Variants in USP34 observed in about 807,000 individuals in gnomAD.
USP34 encodes ubiquitin carboxyl-terminal hydrolase 34.
USP34 carries 70 observed loss-of-function variants against 460.3 expected under a neutral mutation model. The observed-to-expected ratio is 0.15, with a 90% CI of 0.13 to 0.19. The LOEUF (loss-of-function observed/expected upper bound fraction) is 0.19. Ranked by LOEUF, USP34 falls within the 10% of genes least tolerant of loss-of-function variation. The pLI is 1.00. For missense variants in USP34, 3,985 were observed against 4,236.2 expected (o/e 0.94, Z 1.65); for synonymous variants, 1,647 against 1,405.3 (o/e 1.17, Z -3.85).
intron 8 of USP34, among the ~76,000 whole-genome samples, chr2:61,372,895 A>G (rs557232014): frequency 6.6e-6 from 1 of 152,304 alleles, no homozygotes; most frequent in Non-Finnish European, 1.5e-5. Context: ...AAACACATTC[A>G]TCTACACAAC....
At chr2:61,341,495 T>A (rs62149705) in intron 16 of USP34, among the ~76,000 whole-genome samples, 31 of 152,298 alleles carry the variant, frequency 2.0e-4, no homozygotes, top group Non-Finnish European at 4.1e-4. Flanking sequence ...AATGTCTTCA[T>A]GCTGTCCTCA....
At chr2:61,452,614 C>T (rs1001050792) in intron 1 of USP34, among the ~76,000 whole-genome samples, 1 of 151,750 alleles carries the variant, frequency 6.6e-6, no homozygotes, top group African/African-American at 2.4e-5. Context: ...CGTCAGCCAC[C>T]GTGCTGGCCT....
At chr2:61,227,362 T>C in intron 61 of USP34, 144 bp from the exon 62 acceptor site, 1 of 833,700 alleles carries the variant, frequency 1.2e-6, no homozygotes, top group Non-Finnish European at 1.8e-6. Flanking sequence ...AAACCTAATG[T>C]AAAACACTCT....
chr2:61,279,614 T>C (rs1056073563), intron 39 of USP34, among the ~76,000 whole-genome samples: 11 of 152,272 alleles, frequency 7.2e-5, no homozygotes, highest in African/African-American at 2.6e-4. Context: ...TACAGGCACC[T>C]GTGACTATGC....
intron 10 of USP34, among the ~76,000 whole-genome samples, chr2:61,355,593 G>A (rs578134042): frequency 7.9e-5 from 12 of 151,558 alleles, no homozygotes; most frequent in African/African-American, 2.2e-4. Flanking sequence ...AAAGGAAATC[G>A]AACTGTTTCA....
intron 53 of USP34, among the ~76,000 whole-genome samples, chr2:61,237,597 T>A (rs1688106906): frequency 1.5e-5 from 2 of 130,434 alleles, no homozygotes. Context: ...AGACAGGGTC[T>A]CACTCTGTTA....
chr2:61,197,786 G>T (rs973733520), intron 75 of USP34, among the ~76,000 whole-genome samples: 1 of 152,006 alleles, frequency 6.6e-6, no homozygotes, highest in Admixed American at 6.6e-5. Flanking sequence ...GGGGAACAGA[G>T]TCTCACTCTG....
At chr2:61,368,147 C>T (rs978962522) in intron 10 of USP34, among the ~76,000 whole-genome samples, 5 of 152,034 alleles carry the variant, frequency 3.3e-5, no homozygotes, top group East Asian at 3.9e-4. Context: ...AGAATGGGCA[C>T]GTCAGGCCGG....
chr2:61,362,931 A>C (rs1454886052), intron 10 of USP34, among the ~76,000 whole-genome samples: 3 of 152,210 alleles, frequency 2.0e-5, no homozygotes, highest in African/African-American at 7.2e-5. Flanking sequence ...AAAGAAAAAC[A>C]GACTTAGAGA....
At chr2:61,400,560 T>C (rs1209631208) in intron 3 of USP34, among the ~76,000 whole-genome samples, 3 of 152,104 alleles carry the variant, frequency 2.0e-5, no homozygotes, top group Admixed American at 1.3e-4. Flanking sequence ...TTCTAAAAAA[T>C]ACTAAATTGA....
At chr2:61,304,184 C>T (rs1406888506) in intron 27 of USP34, among the ~76,000 whole-genome samples, 1 of 152,162 alleles carries the variant, frequency 6.6e-6, no homozygotes, top group East Asian at 1.9e-4. Flanking sequence ...GCATGAGCTA[C>T]CACGCCTGGC....
intron 1 of USP34, among the ~76,000 whole-genome samples, chr2:61,435,629 AGG>A (rs1694792071): frequency 6.6e-6 from 1 of 152,198 alleles, no homozygotes; most frequent in African/African-American, 2.4e-5. Context: ...CAAGGAACAA[AGG>A]ATATATAATG....
intron 23 of USP34, among the ~76,000 whole-genome samples, chr2:61,316,039 TA>T (rs539035606): frequency 0.014 from 1,797 of 126,544 alleles, 18 homozygotes; most frequent in African/African-American, 0.034. Flanking sequence ...GTCTCTACTT[TA>T]AAAAAAAAAA....
At chr2:61,463,959 GAC>G (rs1410157278) in intron 1 of USP34, among the ~76,000 whole-genome samples, 1 of 152,126 alleles carries the variant, frequency 6.6e-6, no homozygotes, top group African/African-American at 2.4e-5. Context: ...TGAAAAGGAT[GAC>G]AGAGTACCTC....
At chr2:61,366,051 G>T (rs920106070) in intron 10 of USP34, among the ~76,000 whole-genome samples, 1 of 152,016 alleles carries the variant, frequency 6.6e-6, no homozygotes, top group South Asian at 2.1e-4. Flanking sequence ...TCAGCCTCCT[G>T]AGTAGCTGGG....
At chr2:61,199,747 C>T (rs1196734709) in intron 75 of USP34, among the ~76,000 whole-genome samples, 2 of 152,092 alleles carry the variant, frequency 1.3e-5, no homozygotes, top group Non-Finnish European at 2.9e-5. Context: ...GGCTATTTAC[C>T]CACTGCTTTG....
chr2:61,426,678 C>G (rs1454309890), intron 1 of USP34, among the ~76,000 whole-genome samples: 1 of 152,228 alleles, frequency 6.6e-6, no homozygotes, highest in Non-Finnish European at 1.5e-5. Flanking sequence ...GCTTTGCCAA[C>G]TGCTGATTGC....
chr2:61,452,963 A>T (rs1242786219), intron 1 of USP34, among the ~76,000 whole-genome samples: 1 of 151,974 alleles, frequency 6.6e-6, no homozygotes, highest in Non-Finnish European at 1.5e-5. Context: ...ATAGTAGTTT[A>T]AGACATCCTA....
intron 67 of USP34, among the ~76,000 whole-genome samples, chr2:61,219,481 G>A (rs761917178): frequency 6.6e-6 from 1 of 152,062 alleles, no homozygotes; most frequent in Non-Finnish European, 1.5e-5. Context: ...GACCAGCCTG[G>A]TCAACACGGT....
Sources: allele counts gnomAD v4.1 joint callset (sites outside exome capture counted in the v4.1 genomes callset), GRCh38; gene constraint gnomAD v4.1.1; transcripts MANE v1.5; gene names NCBI Gene and HGNC (gene_info 2026-07-23, HGNC 2026-07-21).